Variants in PREX2 observed in about 807,000 individuals in gnomAD.
PREX2 encodes the protein phosphatidylinositol-3,4,5-trisphosphate dependent Rac exchange factor 2, also known as phosphatidylinositol 3,4,5-trisphosphate-dependent Rac exchanger 2 protein.
PREX2 carries 107 observed loss-of-function variants against 203.2 expected under a neutral mutation model. The observed-to-expected ratio is 0.53, with a 90% CI of 0.45 to 0.62. The LOEUF is 0.62. Ranked by LOEUF, PREX2 falls within the 20% of genes least tolerant of loss-of-function variation. PREX2 has a pLI of 0.00. For synonymous variants in PREX2, 672 were observed against 663.6 expected, an observed-to-expected ratio of 1.01 and a Z score of -0.19; for missense variants, 1,777 against 1,955.9, an observed-to-expected ratio of 0.91 and a Z score of 1.72.
At chr8:68,207,639 T>C (rs1812656761) in intron 37 of PREX2, among the ~76,000 whole-genome samples, 1 of 152,164 alleles carries the variant, frequency 6.6e-6, no homozygotes, top group Admixed American at 6.5e-5. Context: ...TACTTCATAC[T>C]AAGTATTAGG....
intron 15 of PREX2, among the ~76,000 whole-genome samples, chr8:68,078,159 C>G (rs536256801): frequency 6.6e-6 from 1 of 152,128 alleles, no homozygotes; most frequent in Non-Finnish European, 1.5e-5. Context: ...TAGTCTCTCT[C>G]TTTTTATTTA....
In PREX2 at chr8:68,019,577, T is replaced by A. The variant is rs1266168832; in HGVS notation, c.242T>A (p.Leu81His). The A allele has an allele frequency of 6.2e-7, 1 of 1,612,576 alleles. No individual in the cohort carries two copies. The highest frequency in any genetic ancestry group is 8.5e-7 in the Non-Finnish European group (1 of 1,179,036). ...TTGTTCTCAAACATTGAAGACATCCTTGCAGTACATAAAGAATTCTTAAAA... is the reference window on the plus strand; with the variant it reads ...TTGTTCTCAAACATTGAAGACATCCATGCAGTACATAAAGAATTCTTAAAA... ...KMLFSNIEDI[L>H]AVHKEFLKVV... Residue 81 changes from leucine to histidine, a missense_variant, in exon 3 of 40, where the codon CTT becomes CAT. By Grantham distance (99) the Leu-to-His change is moderately conservative (BLOSUM62 -3). Coordinates refer to ENST00000288368, the MANE Select transcript of PREX2 (RefSeq NM_024870.4).
intron 37 of PREX2, among the ~76,000 whole-genome samples, chr8:68,213,339 T>C (rs1812776350): frequency 6.6e-6 from 1 of 152,210 alleles, no homozygotes; most frequent in Non-Finnish European, 1.5e-5. Context: ...TATGTGACTA[T>C]GTGAACACAG....
intron 14 of PREX2, 62 bp from the exon 15 acceptor site, chr8:68,077,335 G>A: frequency 8.4e-7 from 1 of 1,192,094 alleles, no homozygotes; most frequent in Non-Finnish European, 1.3e-6. Context: ...GTTAAATGGA[G>A]CAAAGCTGCC....
intron 3 of PREX2, 60 bp downstream of exon 3, chr8:68,019,731 C>A: frequency 1.3e-6 from 2 of 1,501,940 alleles, no homozygotes; most frequent in Non-Finnish European, 1.8e-6. Flanking sequence ...AGATTTAGCT[C>A]TTGGCATAGT....
chr8:68,216,677 A>AG (rs1812844463), intron 37 of PREX2, among the ~76,000 whole-genome samples: 2 of 152,178 alleles, frequency 1.3e-5, no homozygotes, highest in Admixed American at 1.3e-4. Context: ...CTTAAAGAAA[A>AG]GGAAAAGAAC....
chr8:67,967,876 A>T (rs1463293224), intron 1 of PREX2, among the ~76,000 whole-genome samples: 1 of 152,102 alleles, frequency 6.6e-6, no homozygotes, highest in Admixed American at 6.5e-5. Context: ...GTGGGAATTG[A>T]ACAATGAGAA....
At chr8:68,033,515 G>A (rs1225370451) in intron 6 of PREX2, among the ~76,000 whole-genome samples, 1 of 152,104 alleles carries the variant, frequency 6.6e-6, no homozygotes, top group Non-Finnish European at 1.5e-5. Context: ...GAAACTAAAA[G>A]AAAAATTAGT....
intron 14 of PREX2, among the ~76,000 whole-genome samples, chr8:68,073,684 T>G (rs535763600): frequency 6.6e-6 from 1 of 152,204 alleles, no homozygotes; most frequent in African/African-American, 2.4e-5. Context: ...CATCAGAGCC[T>G]TTCATAACAC....
intron 23 of PREX2, among the ~76,000 whole-genome samples, chr8:68,100,534 G>A (rs1810229981): frequency 6.6e-6 from 1 of 152,188 alleles, no homozygotes; most frequent in African/African-American, 2.4e-5. Context: ...CCTTTGAGAA[G>A]GCTTGACAAG....
chr8:68,008,375 A>AT (rs1379043502), intron 1 of PREX2, among the ~76,000 whole-genome samples: 1 of 152,194 alleles, frequency 6.6e-6, no homozygotes, highest in Non-Finnish European at 1.5e-5. Flanking sequence ...AAGGAAACAA[A>AT]TTGCAGACTA....
chr8:68,153,657 A>G (rs1811487555), intron 34 of PREX2, among the ~76,000 whole-genome samples: 2 of 152,310 alleles, frequency 1.3e-5, no homozygotes, highest in Non-Finnish European at 2.9e-5. Flanking sequence ...TTTTATAACA[A>G]TAAATAAACA....
intron 1 of PREX2, among the ~76,000 whole-genome samples, chr8:67,964,977 G>A (rs963208120): frequency 2.6e-5 from 4 of 152,194 alleles, no homozygotes; most frequent in Non-Finnish European, 4.4e-5. Flanking sequence ...TGGGAATGGT[G>A]TGATTAATCA....
At chr8:68,122,909 G>A (rs879370707) in intron 30 of PREX2, among the ~76,000 whole-genome samples, 3 of 152,094 alleles carry the variant, frequency 2.0e-5, no homozygotes, top group African/African-American at 7.2e-5. Context: ...TTGCTGAGAA[G>A]CGTTTTATGT....
chr8:68,196,508 C>T (rs1812399552), intron 37 of PREX2, among the ~76,000 whole-genome samples: 1 of 149,288 alleles, frequency 6.7e-6, no homozygotes. Context: ...TATATAGTGT[C>T]TTCGTTTACT....
chr8:67,995,161 G>A (rs1347156732), intron 1 of PREX2, among the ~76,000 whole-genome samples: 5 of 151,850 alleles, frequency 3.3e-5, no homozygotes, highest in Non-Finnish European at 7.4e-5. Context: ...AATAATGAAA[G>A]TATACGTTTT....
rs371606840 is a variant in PREX2 at position 67,952,591 on chromosome 8, C to G, written c.141+56C>G. On this transcript the variant is annotated intron_variant, in intron 1 of 39. Coordinates refer to ENST00000288368, the MANE Select transcript of PREX2 (RefSeq NM_024870.4). ...TCCGGGCGGCGCGGGGCGCGGGTCC[C>G]GGAGTGGCTGCGGGAAGGACGCGCG... 1.0e-3 allele frequency: 1,603 copies of G among 1,576,686 alleles called. 1 individual carries two copies. The highest frequency in any genetic ancestry group is 6.9e-3 in the Middle Eastern group (41 of 5,906).
intron 4 of PREX2, among the ~76,000 whole-genome samples, chr8:68,023,667 G>T (rs7006061): frequency 0.18 from 26,788 of 151,536 alleles, 3,062 homozygotes; most frequent in African/African-American, 0.32. Flanking sequence ...GTGTTTTTTT[G>T]GTCATATATA....
intron 37 of PREX2, among the ~76,000 whole-genome samples, chr8:68,212,287 C>T (rs1051471092): frequency 4.6e-5 from 7 of 152,184 alleles, no homozygotes; most frequent in Admixed American, 2.6e-4. Flanking sequence ...TTCTAATCTG[C>T]CACAACATTT....
Sources: gnomAD v4.1 joint callset for allele counts (sites outside exome capture counted in the v4.1 genomes callset) on GRCh38, gnomAD v4.1.1 for gene constraint, MANE v1.5 for transcripts, NCBI Gene and HGNC (gene_info 2026-07-23, HGNC 2026-07-21) for gene names.